Variants in KCNU1 observed in about 807,000 individuals in gnomAD.
The protein encoded by KCNU1 is potassium calcium-activated channel subfamily U member 1.
A neutral mutation model predicts 126.8 loss-of-function variants in KCNU1; 93 were observed. The ratio of observed to expected loss-of-function variants is 0.73; its 90% confidence interval spans 0.62 to 0.87. The LOEUF is 0.87. Among genes scored for constraint, KCNU1 ranks in the 40% least tolerant of loss-of-function variants. The pLI is 0.00. For synonymous variants in KCNU1, 523 were observed against 494.2 expected (o/e 1.06, Z -0.77); for missense variants, 1,330 against 1,367.1 (o/e 0.97, Z 0.43).
At chr8:36,903,876 C>G (rs1319413898) in intron 19 of KCNU1, among the ~76,000 whole-genome samples, 2 of 152,054 alleles carry the variant, frequency 1.3e-5, no homozygotes, top group Admixed American at 1.3e-4. Flanking sequence ...GGGGGAAGCC[C>G]CTTATAAAAC....
intron 19 of KCNU1, among the ~76,000 whole-genome samples, chr8:36,870,461 C>A (rs898846987): frequency 2.6e-5 from 4 of 152,200 alleles, no homozygotes; most frequent in Middle Eastern, 6.8e-3. Context: ...TACACTTTAT[C>A]GAATTCTGTG....
chr8:36,912,081 T>G (rs1007963608), intron 22 of KCNU1, among the ~76,000 whole-genome samples: 2 of 152,180 alleles, frequency 1.3e-5, no homozygotes, highest in South Asian at 4.1e-4. Context: ...TTGGGGACAA[T>G]TGATTCTCTG....
Position 36,840,918 on chromosome 8 carries a change from G to C in KCNU1, c.1632-14G>C. 18 of 1,601,838 alleles carry C rather than the reference G, an allele frequency of 1.1e-5. No homozygotes were observed. Among genetic ancestry groups the C allele is most frequent in the Non-Finnish European group, 1.5e-5 (18 of 1,169,232 alleles). ...CCGCTTGCTCTCCTTTTGACTCCTCGTCTTCCTTCCCAGGCTCTGCTTTCT... is the reference window on the plus strand; with the variant it reads ...CCGCTTGCTCTCCTTTTGACTCCTCCTCTTCCTTCCCAGGCTCTGCTTTCT... On this transcript the variant is annotated splice_polypyrimidine_tract_variant and intron_variant, in intron 15 of 26. Coordinates refer to ENST00000399881, the MANE Select transcript of KCNU1 (RefSeq NM_001031836.3).
intron 18 of KCNU1, among the ~76,000 whole-genome samples, chr8:36,849,875 A>C (rs777921281): frequency 2.0e-5 from 3 of 152,182 alleles, no homozygotes; most frequent in African/African-American, 7.2e-5. Context: ...TGCAAATTCT[A>C]TGTTTCATTA....
In KCNU1 at chr8:36,845,907, C is replaced by A. The variant is rs777553332; in HGVS notation, c.1891+8C>A. The A allele has an allele frequency of 4.5e-6, 7 of 1,545,926 alleles. No homozygotes were observed. The highest frequency in any genetic ancestry group is 6.2e-6 in the Non-Finnish European group (7 of 1,128,564). On this transcript the variant is annotated splice_region_variant and intron_variant, in intron 18 of 26. Transcript: ENST00000399881. The stretch of plus-strand genomic sequence containing the variant: ...GCCGGCAGCACATCACAGGTAATTG[C>A]ACTTTATTTCTGGCTGTCCTTAGCC...
At chr8:36,807,122 T>C (rs1019043438) in intron 5 of KCNU1, among the ~76,000 whole-genome samples, 7 of 152,158 alleles carry the variant, frequency 4.6e-5, no homozygotes, top group African/African-American at 1.7e-4. Context: ...ATTATAATAG[T>C]ACCATTTTAC....
intron 10 of KCNU1, among the ~76,000 whole-genome samples, chr8:36,822,535 A>G (rs1242958734): frequency 1.3e-5 from 2 of 152,198 alleles, no homozygotes; most frequent in Non-Finnish European, 2.9e-5. Flanking sequence ...AAAAATACAT[A>G]AATGATACAG....
chr8:36,933,266 C>T (rs1808756726), intron 26 of KCNU1, among the ~76,000 whole-genome samples: 1 of 152,062 alleles, frequency 6.6e-6, no homozygotes, highest in African/African-American at 2.4e-5. Context: ...CTCTGTCCCC[C>T]AGTGAAAATT....
chr8:36,898,109 T>A (rs934296006), intron 19 of KCNU1, among the ~76,000 whole-genome samples: 1 of 152,098 alleles, frequency 6.6e-6, no homozygotes, highest in African/African-American at 2.4e-5. Flanking sequence ...AAATCCATAA[T>A]CACCAGCACA....
intron 19 of KCNU1, among the ~76,000 whole-genome samples, chr8:36,871,146 G>A (rs1287111018): frequency 6.6e-6 from 1 of 152,076 alleles, no homozygotes; most frequent in African/African-American, 2.4e-5. Flanking sequence ...TAATCTAGAG[G>A]TAGGATTGAA....
chr8:36,843,064 CATG>C (rs1386086347), intron 16 of KCNU1, among the ~76,000 whole-genome samples: 1 of 152,126 alleles, frequency 6.6e-6, no homozygotes, highest in African/African-American at 2.4e-5. Flanking sequence ...CTCAAGTCTC[CATG>C]ATATCATTGG....
chr8:36,890,275 A>G (rs547684831), intron 19 of KCNU1, among the ~76,000 whole-genome samples: 1 of 152,228 alleles, frequency 6.6e-6, no homozygotes, highest in East Asian at 1.9e-4. Context: ...TTGACTTAAA[A>G]TATAACTGTT....
intron 10 of KCNU1, among the ~76,000 whole-genome samples, chr8:36,824,431 A>T (rs1248097876): frequency 6.6e-6 from 1 of 152,162 alleles, no homozygotes; most frequent in Non-Finnish European, 1.5e-5. Flanking sequence ...TTAATGCCTT[A>T]TTGTACCTAA....
At chr8:36,806,423 AT>A (rs1375752995) in intron 5 of KCNU1, 43 bp downstream of exon 5, 1 of 975,472 alleles carries the variant, frequency 1.0e-6, no homozygotes, top group South Asian at 1.5e-5. Flanking sequence ...TATGAATAAA[AT>A]AAAAACTCAA....
chr8:36,907,750 A>G (rs1279399666), intron 20 of KCNU1, among the ~76,000 whole-genome samples: 1 of 152,224 alleles, frequency 6.6e-6, no homozygotes, highest in Non-Finnish European at 1.5e-5. Context: ...ACTGGCATAA[A>G]GAAGAATGAT....
At chr8:36,905,847 T>C (rs767182469) in intron 20 of KCNU1, 43 bp downstream of exon 20, 1 of 906,454 alleles carries the variant, frequency 1.1e-6, no homozygotes. Context: ...AGATAAAGCA[T>C]TTCGTAGGGT....
intron 19 of KCNU1, among the ~76,000 whole-genome samples, chr8:36,879,209 G>GTATCTATATATATATATA (rs1429299814): frequency 1.2e-5 from 1 of 86,690 alleles, no homozygotes; most frequent in Non-Finnish European, 2.2e-5. Context: ...GTGTGTGTGT[G>GTATCTATATATATATATA]TGTATATATA....
At chr8:36,799,622 C>T (rs1226394871) in intron 2 of KCNU1, among the ~76,000 whole-genome samples, 1 of 151,718 alleles carries the variant, frequency 6.6e-6, no homozygotes, top group Non-Finnish European at 1.5e-5. Flanking sequence ...GCAACCTCTG[C>T]CTCCCGGGTT....
At chr8:36,848,649 A>G (rs954928420) in intron 18 of KCNU1, among the ~76,000 whole-genome samples, 4 of 152,186 alleles carry the variant, frequency 2.6e-5, no homozygotes, top group Non-Finnish European at 4.4e-5. Context: ...CTGTCAGGAC[A>G]TGGGAACCTC....
Sources: gnomAD v4.1 joint callset for allele counts (sites outside exome capture counted in the v4.1 genomes callset) on GRCh38, gnomAD v4.1.1 for gene constraint, MANE v1.5 for transcripts, NCBI Gene and HGNC (gene_info 2026-07-23, HGNC 2026-07-21) for gene names.